The following DOCK9 variants were observed in gnomAD, a reference collection of about 807,000 sequenced individuals.
DOCK9 encodes dedicator of cytokinesis 9, also known as dedicator of cytokinesis protein 9.
DOCK9 carries 89 observed loss-of-function variants against 263.3 expected under a neutral mutation model. That is an observed-to-expected ratio of 0.34 (90% CI 0.28 to 0.40). DOCK9 has a LOEUF of 0.40. DOCK9 is among the 10% of genes least tolerant of loss of function. DOCK9 has a pLI of 1.00. For missense variants in DOCK9, 2,140 were observed against 2,603.4 expected (o/e 0.82, Z 3.87); for synonymous variants, 976 against 973.1 (o/e 1.00, Z -0.06).
chr13:99,037,468 T>C (rs908503823), intron 1 of DOCK9, among the ~76,000 whole-genome samples: 2 of 152,230 alleles, frequency 1.3e-5, no homozygotes, highest in Non-Finnish European at 2.9e-5. Flanking sequence ...ATACAAAGTG[T>C]TGGCAAGGAT....
At chr13:98,869,462 T>C (rs1470830997) in intron 27 of DOCK9, among the ~76,000 whole-genome samples, 2 of 152,380 alleles carry the variant, frequency 1.3e-5, no homozygotes, top group African/African-American at 4.8e-5. Context: ...TTCTGTTACA[T>C]GAAGCTGCAC....
chr13:98,941,054 A>T (rs2055756466), intron 2 of DOCK9, among the ~76,000 whole-genome samples: 1 of 152,182 alleles, frequency 6.6e-6, no homozygotes, highest in Non-Finnish European at 1.5e-5. Flanking sequence ...CAGTCCAGCA[A>T]CATGGACTAT....
rs1173593699 is a variant in DOCK9, at chr13:98,825,741, A to G, written c.5023+1089T>C. 1.3e-5 allele frequency: 7 copies of G among 550,300 alleles called. No homozygotes were observed. The highest frequency in any genetic ancestry group is 2.1e-5 in the Non-Finnish European group (7 of 336,666). The allele number at this position is 550,300 out of a possible 1,614,324, so 34.1% of individuals were successfully genotyped here. On this transcript the variant is annotated intron_variant, in intron 44 of 52. Transcript: ENST00000682017. This position sits in a 1 kb window ranked among gnomAD's most constrained non-coding sequence, Gnocchi z 4.1. ...CCACAGGAATAGACCAGCCAACCAGAGAGCCACAGAGTAGGAGGGAAGGAG... is the reference window on the plus strand; with the variant it reads ...CCACAGGAATAGACCAGCCAACCAGGGAGCCACAGAGTAGGAGGGAAGGAG...
chr13:99,002,843 G>A (rs543620094), intron 1 of DOCK9, among the ~76,000 whole-genome samples: 1 of 152,300 alleles, frequency 6.6e-6, no homozygotes, highest in Non-Finnish European at 1.5e-5. Context: ...CTACTCACTT[G>A]CTGTGTGATT....
intron 1 of DOCK9, among the ~76,000 whole-genome samples, chr13:99,057,220 G>A (rs538332032): frequency 3.9e-5 from 6 of 152,110 alleles, no homozygotes; most frequent in African/African-American, 1.2e-4. Flanking sequence ...TTAATTACTT[G>A]GAATGAGTTT....
At chr13:98,837,441 A>C (rs1298124725) in intron 39 of DOCK9, 53 bp downstream of exon 39, 1 of 1,276,052 alleles carries the variant, frequency 7.8e-7, no homozygotes, top group Admixed American at 1.8e-5. Flanking sequence ...CTTACCAAGC[A>C]GAATGAATGT....
At chr13:98,883,215 G>A (rs1171114890) in intron 22 of DOCK9, 84 bp from the exon 23 acceptor site, 2 of 1,219,708 alleles carry the variant, frequency 1.6e-6, no homozygotes, top group East Asian at 2.4e-5. Flanking sequence ...CTTGCAGCAT[G>A]CTTTTTTGCT....
chr13:98,796,106 A>T (rs1354531967), intron 52 of DOCK9: 6 of 884,782 alleles, frequency 6.8e-6, no homozygotes, highest in African/African-American at 1.7e-5. Context: ...CTGCCCATGT[A>T]CTGTCATTAT....
intron 52 of DOCK9, among the ~76,000 whole-genome samples, chr13:98,796,025 C>T (rs2089345281): frequency 1.3e-5 from 2 of 152,160 alleles, no homozygotes; most frequent in African/African-American, 2.4e-5. Context: ...TCCCAAAGTG[C>T]TGGGATTACA....
At chr13:98,870,447 G>A (rs567057213) in intron 27 of DOCK9, among the ~76,000 whole-genome samples, 4 of 152,194 alleles carry the variant, frequency 2.6e-5, no homozygotes, top group Non-Finnish European at 4.4e-5. Flanking sequence ...TTCCAAGACC[G>A]CAGGCAAGGC....
intron 8 of DOCK9, 146 bp downstream of exon 8, chr13:98,915,183 T>C: frequency 1.4e-6 from 1 of 709,156 alleles, no homozygotes; most frequent in East Asian, 2.8e-5. Context: ...GACAAAACCT[T>C]TGCTGACAGG....
intron 29 of DOCK9, 82 bp downstream of exon 29, chr13:98,867,846 A>T (rs565969723): frequency 3.6e-4 from 125 of 347,750 alleles, no homozygotes; most frequent in Middle Eastern, 4.6e-4. Context: ...GCAGAGCTTT[A>T]AAAAAAAAAA....
chr13:99,012,441 G>T (rs1884661299), intron 1 of DOCK9, among the ~76,000 whole-genome samples: 1 of 152,104 alleles, frequency 6.6e-6, no homozygotes, highest in South Asian at 2.1e-4. Context: ...CAAAGGCTTG[G>T]TGCACACTGA....
intron 1 of DOCK9, among the ~76,000 whole-genome samples, chr13:99,046,002 G>A (rs1248156999): frequency 2.0e-5 from 3 of 151,594 alleles, no homozygotes; most frequent in African/African-American, 4.8e-5. Flanking sequence ...TCAGGAGACT[G>A]AGGCAGGAGA....
intron 27 of DOCK9, among the ~76,000 whole-genome samples, chr13:98,878,426 C>T (rs1249807095): frequency 6.6e-6 from 1 of 152,216 alleles, no homozygotes; most frequent in African/African-American, 2.4e-5. Flanking sequence ...CCTTCTTTCC[C>T]AGTCTCTGGT....
At chr13:98,902,000 A>G (rs1362588316) in intron 12 of DOCK9, 100 bp from the exon 13 acceptor site, 2 of 1,434,072 alleles carry the variant, frequency 1.4e-6, no homozygotes, top group East Asian at 4.9e-5. Context: ...CAGGACAACT[A>G]GTAAAAAGCA....
Position 98,915,349 on chromosome 13 carries a change from C to T in DOCK9, c.872G>A (p.Arg291Gln), listed in dbSNP as rs765831165. The T allele has an allele frequency of 1.3e-5, 21 of 1,613,712 alleles. No individual in the cohort carries two copies. In the South Asian group the frequency reaches 1.8e-4, roughly 14 times the overall value. The change falls in exon 8 of 53, where the codon CGA (arginine) becomes CAA (glutamine). Residue 291 changes from arginine (R) to glutamine (Q), a missense_variant. Around this residue, in one of 2 missense-constraint regions of DOCK9, gnomAD observed 1,521 missense variants for 1,741.7 expected, o/e 0.87. Transcript: ENST00000682017. ...LNFEAAMQEK[R>Q]NGDSHEDDEQ... ...TCTACCTTCGTGAGAGTCGCCATTT[C>T]GCTTTTCTTGCATTGCAGCTTCAAA...
At chr13:98,841,090 C>A (rs947342024) in intron 38 of DOCK9, among the ~76,000 whole-genome samples, 3 of 152,106 alleles carry the variant, frequency 2.0e-5, no homozygotes, top group Non-Finnish European at 1.5e-5. Context: ...CACAGACTGG[C>A]AAAGAGTAGA....
intron 9 of DOCK9, among the ~76,000 whole-genome samples, chr13:98,907,341 G>A (rs2049267979): frequency 6.6e-6 from 1 of 152,218 alleles, no homozygotes; most frequent in African/African-American, 2.4e-5. Context: ...AGAGGAGTGG[G>A]TTCTTAATGT....
Sources: allele counts gnomAD v4.1 joint callset (sites outside exome capture counted in the v4.1 genomes callset), GRCh38; gene constraint gnomAD v4.1.1; regional missense constraint gnomAD v4.1.1; non-coding constraint Gnocchi (gnomAD v3.1); transcripts MANE v1.5; gene names NCBI Gene and HGNC (gene_info 2026-07-23, HGNC 2026-07-21).